The following POLN variants were observed in gnomAD, a reference collection of about 807,000 sequenced individuals.
POLN encodes DNA polymerase nu.
In POLN, 108 loss-of-function variants were observed where a neutral mutation model predicts 113.5. The ratio of observed to expected loss-of-function variants is 0.95; its 90% CI spans 0.81 to 1.12. The LOEUF (loss-of-function observed/expected upper bound fraction) is 1.12, where lower values mean the gene tolerates loss of function less well. POLN is among the 50% of genes most tolerant of loss of function. POLN has a pLI of 0.00. For missense variants in POLN, 1,097 were observed against 1,077.1 expected (o/e 1.02, Z -0.26); for synonymous variants, 386 against 391.5 (o/e 0.99, Z 0.17).
chr4:2,198,456 A>G, intron 6 of POLN, 68 bp downstream of exon 6: 3 of 1,372,968 alleles, frequency 2.2e-6, no homozygotes, highest in Non-Finnish European at 2.9e-6. Flanking sequence ...CTGGACCTTG[A>G]GCAAGTTTCC....
chr4:2,233,827 G>A (rs762644479), intron 2 of POLN, among the ~76,000 whole-genome samples: 2 of 152,098 alleles, frequency 1.3e-5, no homozygotes, highest in Admixed American at 1.3e-4. Flanking sequence ...AAATGATGGC[G>A]TGCCATATGG....
intron 19 of POLN, among the ~76,000 whole-genome samples, chr4:2,121,431 T>C (rs1467748549): frequency 5.1e-5 from 3 of 58,272 alleles, no homozygotes; most frequent in South Asian, 1.4e-3. Context: ...CGAGACTCTG[T>C]CTCAAAAAAA....
chr4:2,085,188 T>C (rs968941191), intron 21 of POLN, among the ~76,000 whole-genome samples: 1 of 152,214 alleles, frequency 6.6e-6, no homozygotes, highest in Non-Finnish European at 1.5e-5. Flanking sequence ...CAGACATACA[T>C]GTATGAAACC....
intron 2 of POLN, chr4:2,238,722 C>T: frequency 1.2e-6 from 2 of 1,613,720 alleles, no homozygotes; most frequent in Non-Finnish European, 1.7e-6. Context: ...TGACTAAGTT[C>T]TTGAACCAAA....
intron 3 of POLN, among the ~76,000 whole-genome samples, chr4:2,216,715 G>A (rs945133032): frequency 6.6e-6 from 1 of 152,238 alleles, no homozygotes; most frequent in African/African-American, 2.4e-5. Context: ...ACGTGTGTTG[G>A]TTCTGGCCAA....
chr4:2,151,029 C>T (rs895187909), intron 16 of POLN, among the ~76,000 whole-genome samples: 1 of 152,142 alleles, frequency 6.6e-6, no homozygotes, highest in Non-Finnish European at 1.5e-5. Flanking sequence ...CAAAAGAAGA[C>T]AAGCCACAGA....
At chr4:2,114,394 C>G (rs1438175652) in intron 19 of POLN, among the ~76,000 whole-genome samples, 3 of 152,268 alleles carry the variant, frequency 2.0e-5, no homozygotes, top group Non-Finnish European at 4.4e-5. Flanking sequence ...CCTGAAGAAC[C>G]TCTTTTACCA....
intron 7 of POLN, among the ~76,000 whole-genome samples, chr4:2,188,757 A>G (rs572858304): frequency 8.5e-5 from 13 of 152,230 alleles, no homozygotes; most frequent in South Asian, 6.2e-4. Context: ...AATCCACCAT[A>G]ACTCCAGTGT....
chr4:2,155,674 A>G (rs1732406283), intron 16 of POLN, among the ~76,000 whole-genome samples: 1 of 152,176 alleles, frequency 6.6e-6, no homozygotes. Context: ...ACATATTCAT[A>G]TTTATATATA....
chr4:2,158,163 G>A (rs924688200), intron 14 of POLN, among the ~76,000 whole-genome samples: 1 of 152,152 alleles, frequency 6.6e-6, no homozygotes, highest in Non-Finnish European at 1.5e-5. Context: ...TGTTGGCCAG[G>A]CTGGTCTCGA....
intron 7 of POLN, among the ~76,000 whole-genome samples, chr4:2,184,211 A>G (rs1461739510): frequency 6.6e-6 from 1 of 150,598 alleles, no homozygotes; most frequent in Admixed American, 6.6e-5. Flanking sequence ...GACCCAAAAC[A>G]GCCAACACCA....
intron 7 of POLN, among the ~76,000 whole-genome samples, chr4:2,187,889 T>C (rs1056715764): frequency 6.6e-6 from 1 of 152,130 alleles, no homozygotes; most frequent in Admixed American, 6.5e-5. Context: ...GGCAGGAGGA[T>C]TGCTTCAGGC....
chr4:2,175,807 G>C (rs1236263805), intron 9 of POLN, among the ~76,000 whole-genome samples: 1 of 152,164 alleles, frequency 6.6e-6, no homozygotes, highest in Non-Finnish European at 1.5e-5. Flanking sequence ...AGGGAAACAG[G>C]CTGAGCTACT....
In POLN at chr4:2,199,725, C is replaced by T. The variant is rs557116019; in HGVS notation, c.715-1008G>A. 5.9e-5 allele frequency among the ~76,000 whole-genome samples: 9 copies of T among 152,146 alleles called. No homozygotes were observed. In the East Asian group the frequency reaches 1.4e-3, roughly 23 times the overall value. Reference sequence around the variant, plus strand: ...CAGAGTAGCTGGGACTACAGGCACACACTGCCACACCCAGCTAATTTTTTT... The same window carrying T: ...CAGAGTAGCTGGGACTACAGGCACATACTGCCACACCCAGCTAATTTTTTT... On this transcript the variant is annotated intron_variant, in intron 5 of 25. Coordinates refer to ENST00000511885, the MANE Select transcript of POLN (RefSeq NM_181808.4).
At position 2,129,197 on chromosome 4, in the gene POLN, G is replaced by C; in HGVS notation, c.1849C>G (p.His617Asp). The change falls in exon 18 of 26, where the codon CAC becomes GAC. Residue 617 changes from histidine (H) to aspartate (D), a missense_variant. His to Asp is a moderately conservative substitution (Grantham distance 81, BLOSUM62 -1). Coordinates refer to ENST00000511885, the MANE Select transcript of POLN (RefSeq NM_181808.4). Reference sequence around the variant, plus strand: ...AACGTACCTGCTGCTAGAAAGGTGTGGCCTTTGGATGAAACAAACATGGCC... The same window carrying C: ...AACGTACCTGCTGCTAGAAAGGTGTCGCCTTTGGATGAAACAAACATGGCC... ...PRAMFVSSKG[H>D]TFLAADFSQI... 2 of 1,594,346 alleles carry C rather than the reference G, an allele frequency of 1.3e-6. No homozygotes were observed.
Position 2,198,524 on chromosome 4 carries a change from CG to C in POLN, c.907del (p.Arg303GlyfsTer8). 6.2e-7 allele frequency: 1 copy of C among 1,604,796 alleles called. No individual in the cohort carries two copies. The highest frequency in any genetic ancestry group is 1.3e-5 in the African/African-American group (1 of 74,766). Reference protein sequence around the residue: ...QEQEAHQQFARNVLFQTMKCK... With the variant: ...QEQEAHQQFAXNVLFQTMKCK... The stretch of plus-strand genomic sequence containing the variant: ...GAGCCCATGTGTGAAGATTTCTTAC[CG>C]GGCAAATTGTTGATGTGCCTCCTGT... On this transcript the variant is annotated frameshift_variant and splice_region_variant, in exon 6 of 26. Coordinates refer to ENST00000511885, the MANE Select transcript of POLN (RefSeq NM_181808.4). LOFTEE classifies it high-confidence loss of function.
chr4:2,142,726 G>C (rs1732033263), intron 16 of POLN, among the ~76,000 whole-genome samples: 1 of 151,944 alleles, frequency 6.6e-6, no homozygotes, highest in South Asian at 2.1e-4. Context: ...TTAGCCAAAG[G>C]ACCAGGAAAA....
At chr4:2,158,148 C>T (rs1732483996) in intron 14 of POLN, among the ~76,000 whole-genome samples, 1 of 152,090 alleles carries the variant, frequency 6.6e-6, no homozygotes, top group Non-Finnish European at 1.5e-5. Context: ...GATGGGGTTT[C>T]GCCATGTTGG....
chr4:2,099,929 G>C (rs1175724297), intron 19 of POLN, among the ~76,000 whole-genome samples: 1 of 152,014 alleles, frequency 6.6e-6, no homozygotes, highest in Non-Finnish European at 1.5e-5. Flanking sequence ...AATTAGCCAG[G>C]TGTGGTAATG....
Sources: gnomAD v4.1 joint callset for allele counts (sites outside exome capture counted in the v4.1 genomes callset) on GRCh38, gnomAD v4.1.1 for gene constraint, MANE v1.5 for transcripts, NCBI Gene and HGNC (gene_info 2026-07-23, HGNC 2026-07-21) for gene names.